MYO18A: variants seen among roughly 807,000 people sequenced by gnomAD.
MYO18A encodes the protein unconventional myosin-XVIIIa.
MYO18A carries 78 observed loss-of-function variants against 235.8 expected under a neutral mutation model. The ratio of observed to expected loss-of-function variants is 0.33; its 90% confidence interval spans 0.28 to 0.40. MYO18A has a LOEUF of 0.40. Among genes scored for constraint, MYO18A ranks in the 10% least tolerant of loss-of-function variants. The probability of loss-of-function intolerance (pLI) is 1.00; values close to 1 mark genes in which losing one functional copy is unlikely to be tolerated. For synonymous variants in MYO18A, 977 were observed against 1,077.8 expected (o/e 0.91, Z 1.83); for missense variants, 2,215 against 2,699.3 (o/e 0.82, Z 3.98).
chr17:29,149,542 G>A (rs2067925349), intron 2 of MYO18A, among the ~76,000 whole-genome samples: 1 of 152,212 alleles, frequency 6.6e-6, no homozygotes, highest in South Asian at 2.1e-4. Context: ...TCAGAGCCAT[G>A]TGCCACCACA....
At chr17:29,115,988 C>A (rs2067050325) in intron 11 of MYO18A, 148 bp from the exon 12 acceptor site, 7 of 756,020 alleles carry the variant, frequency 9.3e-6, no homozygotes, top group Non-Finnish European at 1.5e-5. Context: ...ACAGGGGCAG[C>A]CAGCAGTGGC....
chr17:29,115,320 G>C, intron 13 of MYO18A, 31 bp downstream of exon 13: 6 of 1,611,698 alleles, frequency 3.7e-6, no homozygotes, highest in Non-Finnish European at 5.1e-6. Flanking sequence ...TGCCAAAGCA[G>C]GAAAAGCCCT....
chr17:29,111,564 G>T lies in MYO18A; in HGVS notation c.2760C>A (p.His920Gln), dbSNP rs755605530. The T allele has an allele frequency of 1.1e-5, 18 of 1,613,896 alleles. No individual in the cohort carries two copies. The East Asian group carries it at 2.0e-4, about 18-fold the overall frequency. Residue 920 changes from histidine to glutamine, a missense_variant, in exon 17 of 42, where the codon CAC becomes CAA. Transcript: ENST00000527372. This position sits in a 1 kb window ranked among gnomAD's most constrained non-coding sequence, Gnocchi z 5.1. ...GDKKGQSPLLHSSKPHHFLLG... is the reference protein window; with the variant it reads ...GDKKGQSPLLQSSKPHHFLLG... ...GGAGAAAGTGGTGTGGTTTGCTGCTGTGCAGAAGGGGGCTTTGGCCTGATG... is the reference window on the plus strand; with the variant it reads ...GGAGAAAGTGGTGTGGTTTGCTGCTTTGCAGAAGGGGGCTTTGGCCTGATG...
Position 29,120,244 on chromosome 17 carries a change from G to A in MYO18A, c.1728+372C>T, listed in dbSNP as rs1249139615. Among the ~76,000 whole-genome samples the A allele has an allele frequency of 2.6e-5, 4 of 152,240 alleles. No individual in the cohort carries two copies. Among genetic ancestry groups the A allele is most frequent in the Admixed American group, 6.5e-5 (1 of 15,284 alleles). On this transcript the variant is annotated intron_variant, in intron 7 of 41. Transcript: ENST00000527372. This position sits in a 1 kb window ranked among gnomAD's most constrained non-coding sequence, Gnocchi z 4.2. ...AGGTATTTAGCATGGGAGGGAATCA[G>A]CCTTGGCTGGGCCTTACTTTACTGA...
intron 2 of MYO18A, chr17:29,133,945 G>A: frequency 2.0e-6 from 2 of 978,932 alleles, no homozygotes; most frequent in South Asian, 2.8e-5. Context: ...AAACACTGTG[G>A]GCAACAAGGG....
chr17:29,094,784 T>C lies in MYO18A; in HGVS notation c.4576A>G (p.Ile1526Val). The C allele has an allele frequency of 1.2e-6, 2 of 1,614,036 alleles. No individual in the cohort carries two copies. The highest frequency in any genetic ancestry group is 2.2e-5 in the South Asian group (2 of 91,092). The stretch of plus-strand genomic sequence containing the variant: ...TCATCCTTGGACTCTTGGGAAGAAA[T>C]GTCCTGGAGCTCTGCCTCTAGAGAC... ...VVSLEAELQD[I>V]SSQESKDEAS... The change falls in exon 30 of 42, where the codon ATT (isoleucine) becomes GTT (valine). Residue 1526 changes from isoleucine to valine, a missense_variant. Physicochemically the swap from Ile to Val is conservative, Grantham distance 29 (BLOSUM62 3). Transcript: ENST00000527372.
At chr17:29,078,660 GC>G (rs1455225702) in intron 41 of MYO18A, 1 of 152,254 alleles carries the variant, frequency 6.6e-6, no homozygotes, top group African/African-American at 2.4e-5. Context: ...GCCAAAAACA[GC>G]TTCACATAAG....
intron 32 of MYO18A, 42 bp downstream of exon 32, chr17:29,093,281 G>T (rs777661401): frequency 6.5e-7 from 1 of 1,538,956 alleles, no homozygotes. Flanking sequence ...GGCCGCATGG[G>T]CAGGGAGCCG....
Position 29,072,896 on chromosome 17 carries a change from G to C in MYO18A, c.*1874C>G, listed in dbSNP as rs1426333190. ...TCTTAGCTGTCAATGAAGGAACAAA[G>C]CATGGAGTAGGGCATGAAGACAGGG... On this transcript the variant is annotated 3_prime_UTR_variant, in exon 42 of 42. Coordinates refer to ENST00000527372, the MANE Select transcript of MYO18A (RefSeq NM_078471.4). 1 of 152,248 alleles carries C rather than the reference G, an allele frequency of 6.6e-6. No homozygotes were observed. The highest frequency in any genetic ancestry group is 1.5e-5 in the Non-Finnish European group (1 of 68,058). 9.4% of individuals were successfully genotyped at this position (152,248 alleles called of 1,614,324 possible). A position where few individuals can be genotyped will look rare whatever the true frequency, so the allele number is the denominator to read the frequency against.
intron 1 of MYO18A, among the ~76,000 whole-genome samples, chr17:29,173,570 G>A (rs1441126064): frequency 6.6e-6 from 1 of 151,508 alleles, no homozygotes; most frequent in Non-Finnish European, 1.5e-5. Context: ...TGTATTTTTA[G>A]TAGAGACGGG....
intron 2 of MYO18A, among the ~76,000 whole-genome samples, chr17:29,155,729 G>A (rs992268647): frequency 2.2e-4 from 33 of 152,324 alleles, no homozygotes; most frequent in Admixed American, 4.6e-4. Context: ...GGCCCCACCT[G>A]AGGATGGAAT....
chr17:29,089,490 GAGAGAAAAAAA>G (rs1258833650), intron 37 of MYO18A, among the ~76,000 whole-genome samples: 1 of 148,088 alleles, frequency 6.8e-6, no homozygotes, highest in Non-Finnish European at 1.5e-5. Context: ...GAAAAAGGGA[GAGAGAAAAAAA>G]AAAGCAGAGA....
At position 29,121,017 on chromosome 17, in the gene MYO18A, G is replaced by A. The variant is rs142591196; in HGVS notation, c.1566C>T (p.Ser522=). ...VQYLATIAGI[S]GNKVFSVEKW... Reference sequence around the variant, plus strand: ...CCTCACCAGAAAACACCTTGTTCCCGCTGATGCCCGCGATGGTGGCCAGGT... The same window carrying A: ...CCTCACCAGAAAACACCTTGTTCCCACTGATGCCCGCGATGGTGGCCAGGT... The change falls in exon 6 of 42, where the codon AGC becomes AGT. Residue 522 remains serine (S), a synonymous_variant. Transcript: ENST00000527372. The surrounding 1 kb of genome is among the most constrained non-coding windows in gnomAD (Gnocchi z 4.2). 4.9e-4 allele frequency: 796 copies of A among 1,611,518 alleles called. 4 individuals are homozygous for A. The African/African-American group carries it at 9.5e-3, about 19-fold the overall frequency.
At chr17:29,090,224 AAG>A in intron 36 of MYO18A, 126 bp from the exon 37 acceptor site, 1 of 1,122,378 alleles carries the variant, frequency 8.9e-7, no homozygotes, top group Admixed American at 2.6e-5. Flanking sequence ...CCTGGGAGGA[AAG>A]AGAATGGAGC....
At chr17:29,102,282 G>A (rs2066672921) in intron 21 of MYO18A, among the ~76,000 whole-genome samples, 1 of 152,218 alleles carries the variant, frequency 6.6e-6, no homozygotes, top group Non-Finnish European at 1.5e-5. Context: ...CCAGGCATGG[G>A]CTGGAGGAGG....
intron 2 of MYO18A, among the ~76,000 whole-genome samples, chr17:29,137,659 C>T (rs796427497): frequency 3.3e-5 from 5 of 152,154 alleles, no homozygotes; most frequent in Admixed American, 6.5e-5. Flanking sequence ...TGGAAAGAGC[C>T]CAAATGCCTA....
At chr17:29,104,234 T>C (rs755294105) in intron 20 of MYO18A, among the ~76,000 whole-genome samples, 1 of 151,844 alleles carries the variant, frequency 6.6e-6, no homozygotes, top group Non-Finnish European at 1.5e-5. Context: ...GGCAAATGGG[T>C]AGATGGATGG....
chr17:29,148,871 G>C (rs986930183), intron 2 of MYO18A, among the ~76,000 whole-genome samples: 3 of 152,302 alleles, frequency 2.0e-5, no homozygotes, highest in Admixed American at 1.3e-4. Context: ...CACGGGTCAG[G>C]CTCTGTGAGG....
At chr17:29,122,125 A>G in intron 3 of MYO18A, 41 bp downstream of exon 3, 1 of 1,590,594 alleles carries the variant, frequency 6.3e-7, no homozygotes, top group Non-Finnish European at 8.6e-7. Context: ...CCCTGAGACC[A>G]GTGAGTCCTG....
Sources: allele counts gnomAD v4.1 joint callset (sites outside exome capture counted in the v4.1 genomes callset), GRCh38; gene constraint gnomAD v4.1.1; non-coding constraint Gnocchi (gnomAD v3.1); transcripts MANE v1.5; gene names NCBI Gene and HGNC (gene_info 2026-07-23, HGNC 2026-07-21).